QTMAN: variants seen among roughly 807,000 people sequenced by gnomAD.
QTMAN encodes the protein tRNA-queuosine alpha-mannosyltransferase.
the QTMAN span, among the ~76,000 whole-genome samples, chr2:144,164,496 C>A: frequency 3.3e-5 from 5 of 152,088 alleles, no homozygotes; most frequent in Non-Finnish European, 5.9e-5. Flanking sequence ...ATTTGCCATT[C>A]TATAGTTTCT....
chr2:144,061,791 C>A, the QTMAN span, among the ~76,000 whole-genome samples: 1 of 152,174 alleles, frequency 6.6e-6, no homozygotes, highest in South Asian at 2.1e-4. Flanking sequence ...CCATATAAAC[C>A]CCAAACCCCA....
the QTMAN span, among the ~76,000 whole-genome samples, chr2:144,086,707 T>C: frequency 6.6e-6 from 1 of 152,236 alleles, no homozygotes; most frequent in African/African-American, 2.4e-5. Context: ...ATTTGAAATT[T>C]ATTCATACAT....
the QTMAN span, among the ~76,000 whole-genome samples, chr2:144,165,643 C>A: frequency 6.6e-6 from 1 of 152,154 alleles, no homozygotes; most frequent in Non-Finnish European, 1.5e-5. Context: ...ACTTGGATAG[C>A]CTACTGGCAG....
the QTMAN span, among the ~76,000 whole-genome samples, chr2:144,105,240 G>C: frequency 6.6e-6 from 1 of 152,220 alleles, no homozygotes; most frequent in African/African-American, 2.4e-5. Context: ...CAGCAACAGA[G>C]CAAAGCTGGA....
the QTMAN span, among the ~76,000 whole-genome samples, chr2:144,169,347 C>T: frequency 6.6e-6 from 1 of 152,124 alleles, no homozygotes; most frequent in Admixed American, 6.6e-5. Context: ...AAACTGACAG[C>T]ATAATATACA....
At chr2:144,172,448 C>T in the QTMAN span, among the ~76,000 whole-genome samples, 3 of 151,754 alleles carry the variant, frequency 2.0e-5, no homozygotes, top group African/African-American at 7.3e-5. Flanking sequence ...TGGCAAAACC[C>T]TGTATCTACT....
the QTMAN span, among the ~76,000 whole-genome samples, chr2:144,094,554 A>G: frequency 6.6e-6 from 1 of 152,182 alleles, no homozygotes; most frequent in Admixed American, 6.5e-5. Flanking sequence ...AGGAGGGAGA[A>G]TAAGTGCAAG....
At chr2:143,982,397 A>AT in the QTMAN span, among the ~76,000 whole-genome samples, 1 of 151,308 alleles carries the variant, frequency 6.6e-6, no homozygotes, top group Admixed American at 6.6e-5. Flanking sequence ...CGCCCAGCTA[A>AT]TTTTTTGTAT....
the QTMAN span, among the ~76,000 whole-genome samples, chr2:143,998,876 G>A: frequency 6.6e-6 from 1 of 151,940 alleles, no homozygotes; most frequent in Non-Finnish European, 1.5e-5. Context: ...GAAACCATAG[G>A]CTTTGTAAAA....
At chr2:144,028,504 G>A in the QTMAN span, among the ~76,000 whole-genome samples, 2 of 152,114 alleles carry the variant, frequency 1.3e-5, no homozygotes, top group South Asian at 4.1e-4. Context: ...AAGAACAAAT[G>A]AGGCTGCTTC....
the QTMAN span, among the ~76,000 whole-genome samples, chr2:144,308,284 A>C: frequency 6.7e-6 from 1 of 149,334 alleles, no homozygotes; most frequent in Non-Finnish European, 1.5e-5. Context: ...CTCCTGCCTC[A>C]GCCTCCCGAG....
the QTMAN span, among the ~76,000 whole-genome samples, chr2:144,217,370 C>A: frequency 2.9e-4 from 44 of 151,974 alleles, no homozygotes; most frequent in Middle Eastern, 3.4e-3. Context: ...TTAAAAAAAA[C>A]CCTCCATTTT....
chr2:144,122,933 T>G, the QTMAN span, among the ~76,000 whole-genome samples: 1 of 152,078 alleles, frequency 6.6e-6, no homozygotes, highest in African/African-American at 2.4e-5. Flanking sequence ...GTACCCAAAA[T>G]GAAGGTGCAC....
At chr2:144,100,318 A>C in the QTMAN span, among the ~76,000 whole-genome samples, 1 of 152,228 alleles carries the variant, frequency 6.6e-6, no homozygotes, top group Non-Finnish European at 1.5e-5. Flanking sequence ...TCACAGTTAC[A>C]CCAGCCAGAT....
chr2:144,177,311 T>C, the QTMAN span: 1 of 623,312 alleles, frequency 1.6e-6, no homozygotes, highest in Non-Finnish European at 2.8e-6. Flanking sequence ...ATTCTAATTT[T>C]CATAGCCGAA....
At chr2:143,952,197 G>A in the QTMAN span, 5 of 640,106 alleles carry the variant, frequency 7.8e-6, no homozygotes, top group East Asian at 1.3e-4. Flanking sequence ...CATTATTTAA[G>A]CATGATTTTA....
chr2:144,007,341 G>T, the QTMAN span: 1 of 1,613,284 alleles, frequency 6.2e-7, no homozygotes, highest in Non-Finnish European at 8.5e-7. Flanking sequence ...CTGTCTTAAT[G>T]AGTTACCCAA....
At chr2:144,092,899 G>C in the QTMAN span, among the ~76,000 whole-genome samples, 1 of 150,872 alleles carries the variant, frequency 6.6e-6, no homozygotes, top group Non-Finnish European at 1.5e-5. Flanking sequence ...GTGTGTGTGT[G>C]TGTGTGTGTG....
chr2:144,006,695 G>C, the QTMAN span: 1 of 152,780 alleles, frequency 6.5e-6, no homozygotes, highest in Admixed American at 6.5e-5. Flanking sequence ...GCATCTGAGT[G>C]AAGGGAATGG....
Sources: allele counts gnomAD v4.1 joint callset (sites outside exome capture counted in the v4.1 genomes callset), GRCh38; gene constraint gnomAD v4.1.1; transcripts MANE v1.5; gene names NCBI Gene and HGNC (gene_info 2026-07-23, HGNC 2026-07-21).